The following RASGRP3 variants were observed in gnomAD, a reference collection of about 807,000 sequenced individuals.
The protein encoded by RASGRP3 is ras guanyl-releasing protein 3.
A neutral mutation model predicts 82.7 loss-of-function variants in RASGRP3; 54 were observed. The ratio of observed to expected loss-of-function variants is 0.65; its 90% confidence interval spans 0.52 to 0.82. The LOEUF (loss-of-function observed/expected upper bound fraction) is 0.82. Among genes scored for constraint, RASGRP3 ranks in the 40% least tolerant of loss-of-function variants. The pLI is 0.00. For synonymous variants in RASGRP3, 309 were observed against 300.5 expected, an observed-to-expected ratio of 1.03 and a Z score of -0.29; for missense variants, 861 against 828.9, an observed-to-expected ratio of 1.04 and a Z score of -0.48.
intron 2 of RASGRP3, among the ~76,000 whole-genome samples, chr2:33,448,733 A>C (rs999300960): frequency 6.6e-6 from 1 of 151,528 alleles, no homozygotes; most frequent in African/African-American, 2.4e-5. Context: ...AAGTTTTGCA[A>C]ATAGTGGTGA....
At chr2:33,498,890 T>C (rs551904996) in intron 1 of RASGRP3, among the ~76,000 whole-genome samples, 2 of 152,002 alleles carry the variant, frequency 1.3e-5, no homozygotes, top group South Asian at 4.2e-4. Flanking sequence ...ACCTCCACCA[T>C]GGTGTTAATC....
At position 33,547,342 on chromosome 2, in the gene RASGRP3, C is replaced by CTTTTTTTTTTTTTT. The variant is rs59601670; in HGVS notation, c.1395-2246_1395-2233dup. The stretch of plus-strand genomic sequence containing the variant: ...CCCGCAAGCTTGAGAATATAGAATC[C>CTTTTTTTTTTTTTT]TTTTTTTTTTTTTTTTTTTTTTTTT... On this transcript the variant is annotated intron_variant, in intron 13 of 17. Coordinates refer to ENST00000403687, the MANE Select transcript of RASGRP3 (RefSeq NM_001139488.2). Among the ~76,000 whole-genome samples the CTTTTTTTTTTTTTT allele has an allele frequency of 5.4e-4, 37 of 68,208 alleles. 4 individuals are homozygous for CTTTTTTTTTTTTTT. Among genetic ancestry groups the CTTTTTTTTTTTTTT allele is most frequent in the Non-Finnish European group, 7.2e-4 (28 of 39,016 alleles). The allele number at this position is 68,208 out of a possible 152,430, so 44.7% of individuals were successfully genotyped here. A position where few individuals can be genotyped will look rare whatever the true frequency, so the allele number is the denominator to read the frequency against.
chr2:33,474,528 C>G (rs1667245185), upstream of RASGRP3, among the ~76,000 whole-genome samples: 1 of 152,132 alleles, frequency 6.6e-6, no homozygotes, highest in Non-Finnish European at 1.5e-5. Flanking sequence ...GTCTCAAACT[C>G]CTGACCTCAG....
In RASGRP3 at chr2:33,563,010, T is replaced by G. The variant is rs189526132; in HGVS notation, c.*273T>G. 2.1e-6 allele frequency: 1 copy of G among 474,890 alleles called. No individual in the cohort carries two copies. Among genetic ancestry groups the G allele is most frequent in the Non-Finnish European group, 3.7e-6 (1 of 269,592 alleles). 29.4% of individuals were successfully genotyped at this position (474,890 alleles called of 1,614,324 possible). A position where few individuals can be genotyped will look rare whatever the true frequency, so the allele number is the denominator to read the frequency against. On this transcript the variant is annotated 3_prime_UTR_variant, in exon 18 of 18. Transcript: ENST00000403687. Reference sequence around the variant, plus strand: ...AGTCAGTACTTTTTTCTCATGTATCTTTCTCTAGACCATTTATATACGGGT... The same window carrying G: ...AGTCAGTACTTTTTTCTCATGTATCGTTCTCTAGACCATTTATATACGGGT...
At chr2:33,468,257 A>G (rs1666840985) in intron 2 of RASGRP3, among the ~76,000 whole-genome samples, 1 of 152,184 alleles carries the variant, frequency 6.6e-6, no homozygotes, top group Non-Finnish European at 1.5e-5. Context: ...AATAATCACT[A>G]TTAAAAATTT....
intron 10 of RASGRP3, among the ~76,000 whole-genome samples, chr2:33,529,922 A>G (rs1672948203): frequency 6.6e-6 from 1 of 152,186 alleles, no homozygotes. Context: ...AATCCTGTGT[A>G]TGAGTCACCA....
chr2:33,524,212 A>C (rs1471614385), intron 8 of RASGRP3, among the ~76,000 whole-genome samples, 160 bp downstream of exon 8: 1 of 152,234 alleles, frequency 6.6e-6, no homozygotes, highest in Non-Finnish European at 1.5e-5. Flanking sequence ...TCATGCAAGA[A>C]GATTGCTTTC....
chr2:33,561,238 T>C (rs1558533143), intron 17 of RASGRP3, among the ~76,000 whole-genome samples: 1 of 152,100 alleles, frequency 6.6e-6, no homozygotes, highest in Non-Finnish European at 1.5e-5. Flanking sequence ...GGCTGATTTT[T>C]GCATTTTCAA....
chr2:33,522,788 A>G (rs1558481262), intron 7 of RASGRP3, among the ~76,000 whole-genome samples: 1 of 152,200 alleles, frequency 6.6e-6, no homozygotes, highest in Non-Finnish European at 1.5e-5. Flanking sequence ...CCAAGGTGTC[A>G]GAGAATGAAT....
intron 11 of RASGRP3, among the ~76,000 whole-genome samples, chr2:33,537,619 C>G (rs1673784032): frequency 6.6e-6 from 1 of 152,070 alleles, no homozygotes; most frequent in Non-Finnish European, 1.5e-5. Context: ...CCTCAGCCTC[C>G]CAAAGTGCTG....
intron 2 of RASGRP3, among the ~76,000 whole-genome samples, chr2:33,460,331 A>G (rs979962031): frequency 6.6e-6 from 1 of 152,154 alleles, no homozygotes; most frequent in Admixed American, 6.5e-5. Flanking sequence ...ATAGAACCCC[A>G]TACATATATA....
intron 1 of RASGRP3, among the ~76,000 whole-genome samples, chr2:33,508,303 A>G (rs999208095): frequency 2.6e-5 from 4 of 152,192 alleles, no homozygotes; most frequent in African/African-American, 7.2e-5. Context: ...CTAGATATCC[A>G]TTACGGACTT....
At chr2:33,559,643 A>C (rs760120466) in intron 17 of RASGRP3, 3 of 518,666 alleles carry the variant, frequency 5.8e-6, no homozygotes, top group East Asian at 1.1e-4. Context: ...GAGTTAGATA[A>C]ATTTATTAGT....
At chr2:33,537,602 C>G (rs1009254961) in intron 11 of RASGRP3, among the ~76,000 whole-genome samples, 1 of 152,028 alleles carries the variant, frequency 6.6e-6, no homozygotes, top group African/African-American at 2.4e-5. Flanking sequence ...CTCAGGTGAT[C>G]CACCTGCCTC....
chr2:33,558,468 C>A, intron 16 of RASGRP3, 132 bp downstream of exon 16: 1 of 1,383,118 alleles, frequency 7.2e-7, no homozygotes, highest in Non-Finnish European at 9.8e-7. Flanking sequence ...GGGTGAGCAG[C>A]AGTAGCTAAA....
rs115381289 is a variant in RASGRP3 at position 33,554,269 on chromosome 2, G to T, written c.1543-1262G>T. On this transcript the variant is annotated intron_variant, in intron 14 of 17. Transcript: ENST00000403687. ...TAATACATTGTGAACATTGTGAACG[G>T]CACCCCCATCAGTCCCAGTGGGCCC... Among the ~76,000 whole-genome samples, 313 of 152,236 alleles carry T rather than the reference G, an allele frequency of 2.1e-3. 2 individuals carry two copies. Among genetic ancestry groups the T allele is most frequent in the African/African-American group, 7.2e-3 (299 of 41,538 alleles).
At chr2:33,523,856 G>A in intron 7 of RASGRP3, 23 bp from the exon 8 acceptor site, 1 of 1,585,272 alleles carries the variant, frequency 6.3e-7, no homozygotes, top group Non-Finnish European at 8.6e-7. Context: ...ATAATTCAGA[G>A]TCTCTGAATC....
intron 11 of RASGRP3, 112 bp downstream of exon 11, chr2:33,534,512 T>C: frequency 2.6e-6 from 2 of 766,420 alleles, no homozygotes; most frequent in South Asian, 1.8e-5. Flanking sequence ...ATTTTAAAAA[T>C]TGACATTATT....
intron 1 of RASGRP3, chr2:33,482,073 GCACA>G (rs1667984071): frequency 6.6e-6 from 1 of 151,042 alleles, no homozygotes; most frequent in Non-Finnish European, 1.5e-5. Flanking sequence ...GAGTGCAGTG[GCACA>G]ATCTCGGCTC....
Sources: gnomAD v4.1 joint callset for allele counts (sites outside exome capture counted in the v4.1 genomes callset) on GRCh38, gnomAD v4.1.1 for gene constraint, MANE v1.5 for transcripts, NCBI Gene and HGNC (gene_info 2026-07-23, HGNC 2026-07-21) for gene names.